Variants in RANBP10 observed in about 807,000 individuals in gnomAD.
RANBP10 encodes ran-binding protein 10.
RANBP10 carries 24 observed loss-of-function variants against 72.8 expected under a neutral mutation model. That is an observed-to-expected ratio of 0.33 (90% CI 0.24 to 0.46). RANBP10 has a LOEUF of 0.46. Ranked by LOEUF, RANBP10 falls within the 20% of genes least tolerant of loss-of-function variation. The pLI, the probability that RANBP10 is intolerant of heterozygous loss-of-function variation, is 1.00. For missense variants in RANBP10, 679 were observed against 817.5 expected (o/e 0.83, Z 2.07); for synonymous variants, 310 against 322.3 (o/e 0.96, Z 0.41).
chr16:67,781,604 G>A (rs2054811670), intron 2 of RANBP10, among the ~76,000 whole-genome samples: 1 of 152,198 alleles, frequency 6.6e-6, no homozygotes, highest in Non-Finnish European at 1.5e-5. Flanking sequence ...GCAAAGTGGA[G>A]AAGAAATATC....
chr16:67,760,363 G>A (rs1436126632), intron 3 of RANBP10, among the ~76,000 whole-genome samples: 2 of 152,200 alleles, frequency 1.3e-5, no homozygotes, highest in African/African-American at 4.8e-5. Context: ...TCTGCTATCA[G>A]TGGTTCCTCT....
At chr16:67,738,452 G>GTT (rs1463314710) in intron 4 of RANBP10, 2 of 160,840 alleles carry the variant, frequency 1.2e-5, no homozygotes, top group African/African-American at 4.9e-5. Context: ...AGGTTTTTTT[G>GTT]TTTTTGTTTT....
chr16:67,726,361 T>C lies in RANBP10; in HGVS notation c.*67A>G, dbSNP rs546434599. On this transcript the variant is annotated 3_prime_UTR_variant, in exon 14 of 14. Coordinates refer to ENST00000317506, the MANE Select transcript of RANBP10 (RefSeq NM_020850.3). ...TCCCAGTCCCTGCACCAGTTGCCTA[T>C]GGAGGGCAGGGCAGCTCCAGCCCTG... 68 of 1,601,504 alleles carry C rather than the reference T, an allele frequency of 4.2e-5. No homozygotes were observed. In the Middle Eastern group the frequency reaches 8.0e-4, roughly 19 times the overall value.
intron 3 of RANBP10, among the ~76,000 whole-genome samples, chr16:67,757,667 G>A (rs576681201): frequency 6.6e-6 from 1 of 152,328 alleles, no homozygotes; most frequent in African/African-American, 2.4e-5. Flanking sequence ...GCCTGGAGCA[G>A]CTCAACAATG....
intron 3 of RANBP10, chr16:67,759,458 C>T (rs2054352601): frequency 6.6e-6 from 1 of 152,244 alleles, no homozygotes; most frequent in East Asian, 1.9e-4. Context: ...CTTCCCCCTA[C>T]CAGCCTCAGT....
intron 13 of RANBP10, 60 bp downstream of exon 13, chr16:67,727,267 C>T: frequency 6.7e-7 from 1 of 1,483,258 alleles, no homozygotes; most frequent in East Asian, 2.4e-5. Context: ...CCACTGCACT[C>T]CAGCTTGGGC....
rs1023711958 is a variant in RANBP10, at chr16:67,729,539, C to T, written c.1148-55G>A. The T allele has an allele frequency of 6.3e-7, 1 of 1,578,098 alleles. No homozygotes were observed. The highest frequency in any genetic ancestry group is 8.6e-7 in the Non-Finnish European group (1 of 1,162,298). Reference sequence around the variant, plus strand: ...AGGGGCAGCTTCCCATGAAATGAAGCCCCAAGAACAACCACAGTGGTCCCA... The same window carrying T: ...AGGGGCAGCTTCCCATGAAATGAAGTCCCAAGAACAACCACAGTGGTCCCA... On this transcript the variant is annotated intron_variant, in intron 9 of 13. Transcript: ENST00000317506. The surrounding 1 kb of genome is among the most constrained non-coding windows in gnomAD (Gnocchi z 7.1).
chr16:67,737,340 ACAGGCGCCTGCAAC>A (rs2053872409), intron 5 of RANBP10, among the ~76,000 whole-genome samples: 1 of 151,632 alleles, frequency 6.6e-6, no homozygotes, highest in Non-Finnish European at 1.5e-5. Context: ...AGCTGGGACT[ACAGGCGCCTGCAAC>A]CAGGCCCGGC....
intron 3 of RANBP10, among the ~76,000 whole-genome samples, chr16:67,770,869 T>C (rs2054595226): frequency 6.6e-6 from 1 of 152,124 alleles, no homozygotes; most frequent in South Asian, 2.1e-4. Flanking sequence ...GCCCAGAAGG[T>C]TGAGCCAACC....
rs181182887 is a variant in RANBP10, at chr16:67,747,378, G to A, written c.401-2923C>T. On this transcript the variant is annotated intron_variant, in intron 3 of 13. Coordinates refer to ENST00000317506, the MANE Select transcript of RANBP10 (RefSeq NM_020850.3). ...TTTTTAACTCATTTTTTATTGGGTC[G>A]TTTATTGTATTGCACTTGTTTATCG... Among the ~76,000 whole-genome samples the A allele has an allele frequency of 7.3e-4, 111 of 152,144 alleles. 2 individuals carry two copies. The highest frequency in any genetic ancestry group is 3.9e-4 in the East Asian group (2 of 5,186).
intron 5 of RANBP10, among the ~76,000 whole-genome samples, chr16:67,736,898 G>C (rs909773658): frequency 6.6e-6 from 1 of 152,152 alleles, no homozygotes; most frequent in Non-Finnish European, 1.5e-5. Flanking sequence ...GATCACAAAG[G>C]CATTTCCTGG....
At chr16:67,775,349 A>G (rs905957945) in intron 2 of RANBP10, among the ~76,000 whole-genome samples, 1 of 152,048 alleles carries the variant, frequency 6.6e-6, no homozygotes, top group South Asian at 2.1e-4. Context: ...CTAACATCAT[A>G]CTCAATGGTG....
intron 3 of RANBP10, among the ~76,000 whole-genome samples, chr16:67,764,930 G>A (rs2054468724): frequency 6.6e-6 from 1 of 152,154 alleles, no homozygotes; most frequent in African/African-American, 2.4e-5. Flanking sequence ...CCAATAAAAT[G>A]TAACGGCTAT....
intron 5 of RANBP10, among the ~76,000 whole-genome samples, chr16:67,735,264 GGA>G (rs1240600902): frequency 3.9e-5 from 6 of 152,232 alleles, no homozygotes; most frequent in Non-Finnish European, 7.3e-5. Context: ...GGCACATCAT[GGA>G]GAGTGTCCTG....
At chr16:67,740,891 A>T (rs891253391) in intron 4 of RANBP10, among the ~76,000 whole-genome samples, 1 of 152,092 alleles carries the variant, frequency 6.6e-6, no homozygotes, top group Non-Finnish European at 1.5e-5. Context: ...GAATCTGGAA[A>T]TCTCTCTGTA....
At chr16:67,772,170 A>T in intron 2 of RANBP10, 84 bp from the exon 3 acceptor site, 1 of 1,431,236 alleles carries the variant, frequency 7.0e-7, no homozygotes, top group South Asian at 1.3e-5. Flanking sequence ...TTATTGGTAA[A>T]AGACAGAAAA....
intron 2 of RANBP10, among the ~76,000 whole-genome samples, chr16:67,792,044 CAAA>C (rs567961558): frequency 7.6e-5 from 6 of 79,188 alleles, no homozygotes; most frequent in Admixed American, 2.8e-4. Context: ...GACTCCGTCT[CAAA>C]AAAAAAAAAA....
At chr16:67,798,034 T>A (rs926777774) in intron 2 of RANBP10, among the ~76,000 whole-genome samples, 2 of 146,106 alleles carry the variant, frequency 1.4e-5, no homozygotes, top group African/African-American at 5.0e-5. Flanking sequence ...GGCCACCATC[T>A]AGACTCCAGT....
chr16:67,723,347 A>G lies in RANBP10; in HGVS notation c.*3081T>C, dbSNP rs562879641. 1.3e-5 allele frequency: 2 copies of G among 152,806 alleles called. No homozygotes were observed. Among genetic ancestry groups the G allele is most frequent in the Non-Finnish European group, 2.9e-5 (2 of 68,044 alleles). The allele number at this position is 152,806 out of a possible 1,614,324, so 9.5% of individuals were successfully genotyped here. ...ATGCCTGAGGCAGCCAGAGGCCACA[A>G]TCTGGCCACAGGTCTGGGTGCATGA... On this transcript the variant is annotated 3_prime_UTR_variant, in exon 14 of 14. Transcript: ENST00000317506.
Sources: allele counts gnomAD v4.1 joint callset (sites outside exome capture counted in the v4.1 genomes callset), GRCh38; gene constraint gnomAD v4.1.1; non-coding constraint Gnocchi (gnomAD v3.1); transcripts MANE v1.5; gene names NCBI Gene and HGNC (gene_info 2026-07-23, HGNC 2026-07-21).